The following ANKRD36C variants were observed in gnomAD, a reference collection of about 807,000 sequenced individuals.
ANKRD36C encodes ankyrin repeat domain 36C.
In ANKRD36C, 61 loss-of-function variants were observed where a neutral mutation model predicts 276.4. That is an observed-to-expected ratio of 0.22 (90% CI 0.18 to 0.27). ANKRD36C has a LOEUF of 0.27. Ranked by LOEUF, ANKRD36C falls within the 10% of genes least tolerant of loss-of-function variation. ANKRD36C has a pLI of 1.00. For missense variants in ANKRD36C, 1,447 were observed against 2,032.3 expected (o/e 0.71, Z 5.54); for synonymous variants, 483 against 680.1 (o/e 0.71, Z 4.51).
intron 61 of ANKRD36C, among the ~76,000 whole-genome samples, chr2:95,857,962 A>C (rs1456975592): frequency 2.6e-5 from 4 of 151,898 alleles, no homozygotes; most frequent in Non-Finnish European, 4.4e-5. Context: ...TCTTAACCTG[A>C]ACATTTCTTT....
chr2:95,980,880 A>G (rs1678902162), intron 4 of ANKRD36C, 95 bp from the exon 5 acceptor site: 2 of 1,454,168 alleles, frequency 1.4e-6, no homozygotes, highest in Admixed American at 4.7e-5. Flanking sequence ...GTCCATGTAG[A>G]ATTAACCCAA....
In ANKRD36C at chr2:95,902,775, C is replaced by T. The variant is rs1203801522; in HGVS notation, c.2654-3439G>A. 3.9e-6 allele frequency: 5 copies of T among 1,297,116 alleles called. 1 individual carries two copies. The highest frequency in any genetic ancestry group is 5.0e-5 in the Admixed American group (2 of 39,634). The allele number at this position is 1,297,116 out of a possible 1,614,324, so 80.4% of individuals were successfully genotyped here. On this transcript the variant is annotated intron_variant, in intron 42 of 66. Transcript: ENST00000456556. ...TTATTTGAAATGAAGAATCTCAGGA[C>T]TGCTGAATCAGAATGTGCAGCTTCA...
intron 42 of ANKRD36C, among the ~76,000 whole-genome samples, chr2:95,908,297 A>G (rs567128336): frequency 6.6e-6 from 1 of 150,808 alleles, no homozygotes; most frequent in South Asian, 2.1e-4. Context: ...CAATTTCAAT[A>G]TGGGGAAGTG....
intron 59 of ANKRD36C, among the ~76,000 whole-genome samples, chr2:95,874,729 A>G (rs1425048218): frequency 1.3e-5 from 2 of 152,244 alleles, no homozygotes; most frequent in African/African-American, 4.8e-5. Context: ...AACTACCATC[A>G]GAGTGAACAG....
At chr2:95,912,465 C>G (rs1228058754) in intron 40 of ANKRD36C, 30 bp from the exon 43 acceptor site, 1 of 1,604,578 alleles carries the variant, frequency 6.2e-7, no homozygotes, top group Admixed American at 1.7e-5. Context: ...CATAATCACT[C>G]ACACGTAAAT....
chr2:95,961,781 C>T (rs1387708628), intron 8 of ANKRD36C, among the ~76,000 whole-genome samples: 3 of 152,044 alleles, frequency 2.0e-5, no homozygotes, highest in Non-Finnish European at 4.4e-5. Context: ...ATCTAATCTT[C>T]TTTTATGCAA....
At chr2:95,963,691 G>A (rs2104509305) in intron 6 of ANKRD36C, among the ~76,000 whole-genome samples, 1 of 114,448 alleles carries the variant, frequency 8.7e-6, no homozygotes, top group East Asian at 2.3e-4. Context: ...TGCATCTGAA[G>A]TGAGTTCAGT....
intron 46 of ANKRD36C, 100 bp downstream of exon 66, chr2:95,891,565 G>A (rs1676359159): frequency 7.2e-7 from 1 of 1,383,712 alleles, no homozygotes; most frequent in Non-Finnish European, 9.8e-7. Flanking sequence ...TGCTGTATCA[G>A]AATGTGCAGC....
chr2:95,878,301 G>A (rs1160942068), intron 58 of ANKRD36C, among the ~76,000 whole-genome samples: 1 of 151,824 alleles, frequency 6.6e-6, no homozygotes, highest in Non-Finnish European at 1.5e-5. Flanking sequence ...TCAGTGCAAT[G>A]TTCACTGATT....
chr2:95,874,088 A>C (rs917202190), intron 59 of ANKRD36C, among the ~76,000 whole-genome samples: 1 of 152,120 alleles, frequency 6.6e-6, no homozygotes, highest in African/African-American at 2.4e-5. Flanking sequence ...AGTATGGTTA[A>C]AATGGCCATA....
At chr2:95,948,494 G>A (rs1678112959) in intron 17 of ANKRD36C, 36 bp downstream of exon 17, 3 of 1,511,014 alleles carry the variant, frequency 2.0e-6, no homozygotes, top group Non-Finnish European at 2.6e-6. Context: ...ATGAGATTCG[G>A]AGTGAGAAAA....
At chr2:95,990,775 A>G (rs1035668246) in intron 1 of ANKRD36C, among the ~76,000 whole-genome samples, 8 of 152,278 alleles carry the variant, frequency 5.3e-5, no homozygotes, top group African/African-American at 9.6e-5. Flanking sequence ...TCAAATAAAT[A>G]TTGGATTTTT....
chr2:95,985,251 C>T (rs1396216175), intron 3 of ANKRD36C, among the ~76,000 whole-genome samples: 1 of 152,148 alleles, frequency 6.6e-6, no homozygotes, highest in African/African-American at 2.4e-5. Flanking sequence ...CTTTTCACTT[C>T]CCAACCACAG....
At chr2:95,925,458 T>C (rs1443080158) in intron 29 of ANKRD36C, 34 bp from the exon 30 acceptor site, 18 of 1,547,578 alleles carry the variant, frequency 1.2e-5, no homozygotes, top group Non-Finnish European at 1.5e-5. Flanking sequence ...AGTCAATACA[T>C]AATATATATT....
intron 38 of ANKRD36C, among the ~76,000 whole-genome samples, chr2:95,915,482 A>G (rs1385355852): frequency 6.6e-6 from 1 of 151,126 alleles, no homozygotes; most frequent in South Asian, 2.1e-4. Context: ...CCCCAAAATT[A>G]TATAAATGAC....
chr2:95,855,198 G>A, intron 63 of ANKRD36C, 68 bp downstream of exon 83: 1 of 1,478,272 alleles, frequency 6.8e-7, no homozygotes, highest in Non-Finnish European at 9.0e-7. Context: ...ACATTCAGCT[G>A]TAACCAAATA....
chr2:95,858,661 A>G (rs1041609366), intron 61 of ANKRD36C, among the ~76,000 whole-genome samples: 7 of 152,218 alleles, frequency 4.6e-5, no homozygotes, highest in African/African-American at 1.4e-4. Context: ...CATTCATTGC[A>G]GGTATCCCTA....
chr2:95,873,623 A>G (rs1675867416), intron 59 of ANKRD36C, among the ~76,000 whole-genome samples: 1 of 152,250 alleles, frequency 6.6e-6, no homozygotes, highest in African/African-American at 2.4e-5. Flanking sequence ...GGCACAAGAC[A>G]GGGATGCCCT....
At chr2:95,964,181 GAA>G (rs80168070) in intron 6 of ANKRD36C, among the ~76,000 whole-genome samples, 4 of 101,928 alleles carry the variant, frequency 3.9e-5, no homozygotes, top group South Asian at 3.2e-4. Flanking sequence ...CTTTCCTAAA[GAA>G]AAAAAAAAAA....
Sources: allele counts gnomAD v4.1 joint callset (sites outside exome capture counted in the v4.1 genomes callset), GRCh38; gene constraint gnomAD v4.1.1; transcripts MANE v1.5; gene names NCBI Gene and HGNC (gene_info 2026-07-23, HGNC 2026-07-21).